The following GNB4 variants were observed in gnomAD, a reference collection of about 807,000 sequenced individuals.
The protein encoded by GNB4 is G protein subunit beta 4.
A neutral mutation model predicts 45.2 loss-of-function variants in GNB4; 28 were observed. The observed-to-expected ratio is 0.62, with a 90% CI of 0.46 to 0.85. GNB4 has a LOEUF of 0.85. Among genes scored for constraint, GNB4 ranks in the 40% least tolerant of loss-of-function variants. The pLI, the probability that GNB4 is intolerant of heterozygous loss-of-function variation, is 0.00. For synonymous variants in GNB4, 132 were observed against 143.7 expected (o/e 0.92, Z 0.58); for missense variants, 321 against 425.4 (o/e 0.75, Z 2.16).
chr3:179,464,919 T>C, the GNB4 span: 1 of 1,526,416 alleles, frequency 6.6e-7, no homozygotes, highest in Non-Finnish European at 9.1e-7. Context: ...ATTCCAACCC[T>C]AGGGAAGAAT....
At chr3:179,524,048 A>T in the GNB4 span, among the ~76,000 whole-genome samples, 1 of 152,236 alleles carries the variant, frequency 6.6e-6, no homozygotes, top group African/African-American at 2.4e-5. Flanking sequence ...CAAAGGAAAC[A>T]TGCCCTTGAA....
At chr3:179,401,603 T>C (rs746670200) in intron 9 of GNB4, among the ~76,000 whole-genome samples, 2 of 152,208 alleles carry the variant, frequency 1.3e-5, no homozygotes, top group Non-Finnish European at 2.9e-5. Flanking sequence ...TCAACTTATA[T>C]CTAGGAAAAC....
intron 2 of GNB4, among the ~76,000 whole-genome samples, chr3:179,424,195 C>T (rs761138507): frequency 3.3e-5 from 5 of 152,204 alleles, no homozygotes; most frequent in Non-Finnish European, 5.9e-5. Context: ...AATGAAGTAA[C>T]ACCATCGACT....
At chr3:179,494,907 CAAAAAA>C in the GNB4 span, among the ~76,000 whole-genome samples, 1 of 33,986 alleles carries the variant, frequency 2.9e-5, no homozygotes, top group Non-Finnish European at 5.5e-5. Flanking sequence ...GACTCTGTCT[CAAAAAA>C]AAAAAAAAAA....
intron 1 of GNB4, among the ~76,000 whole-genome samples, chr3:179,444,451 C>T (rs1453262746): frequency 9.3e-5 from 14 of 150,534 alleles, no homozygotes; most frequent in African/African-American, 2.7e-4. Flanking sequence ...ACCTCTCAAC[C>T]GCTTCCCTAG....
At chr3:179,421,820 A>G (rs1290687888) in intron 2 of GNB4, among the ~76,000 whole-genome samples, 1 of 152,184 alleles carries the variant, frequency 6.6e-6, no homozygotes. Flanking sequence ...TGATTTGATT[A>G]TTTCATTCTT....
chr3:179,466,541 G>A, the GNB4 span, among the ~76,000 whole-genome samples: 1 of 152,172 alleles, frequency 6.6e-6, no homozygotes, highest in African/African-American at 2.4e-5. Flanking sequence ...GGAGTTGAAA[G>A]AAATTTAGAG....
chr3:179,454,691 C>T (rs887787894), upstream of GNB4, among the ~76,000 whole-genome samples: 7 of 152,082 alleles, frequency 4.6e-5, no homozygotes, highest in African/African-American at 1.7e-4. Context: ...CCAAGCACAC[C>T]GTGAAGAACA....
At chr3:179,440,093 T>G (rs903374918) in intron 1 of GNB4, among the ~76,000 whole-genome samples, 1 of 152,180 alleles carries the variant, frequency 6.6e-6, no homozygotes, top group African/African-American at 2.4e-5. Flanking sequence ...TTCTCAACAC[T>G]CCCAACTTAA....
At chr3:179,411,466 C>CAA (rs755966921) in intron 8 of GNB4, among the ~76,000 whole-genome samples, 26,253 of 125,082 alleles carry the variant, frequency 0.21, 2,651 homozygotes, top group Admixed American at 0.28. Flanking sequence ...AATGTTTTGA[C>CAA]AAAAAAAAAA....
the GNB4 span, among the ~76,000 whole-genome samples, chr3:179,462,837 CA>C: frequency 1.3e-5 from 2 of 151,654 alleles, no homozygotes; most frequent in African/African-American, 4.9e-5. Flanking sequence ...ACTCCGTCCC[CA>C]AAAAAAAATT....
chr3:179,501,806 A>T, the GNB4 span, among the ~76,000 whole-genome samples: 1 of 152,160 alleles, frequency 6.6e-6, no homozygotes, highest in African/African-American at 2.4e-5. Flanking sequence ...TCAATCCTTC[A>T]TGAGACTCTG....
intron 1 of GNB4, among the ~76,000 whole-genome samples, chr3:179,432,921 G>C (rs567593943): frequency 2.2e-4 from 33 of 152,212 alleles, no homozygotes; most frequent in African/African-American, 7.5e-4. Context: ...GAAAGTGGAG[G>C]GGGGGTGGAA....
chr3:179,466,062 G>A, the GNB4 span, among the ~76,000 whole-genome samples: 2 of 146,172 alleles, frequency 1.4e-5, no homozygotes, highest in Admixed American at 1.4e-4. Flanking sequence ...CCAGGCTGGA[G>A]TGCAGTGGCG....
intron 1 of GNB4, among the ~76,000 whole-genome samples, chr3:179,442,881 C>T (rs778370755): frequency 6.6e-6 from 1 of 152,202 alleles, no homozygotes; most frequent in Non-Finnish European, 1.5e-5. Context: ...CTTCCCATCT[C>T]AGCCTCCTGA....
At chr3:179,497,076 G>T in the GNB4 span, among the ~76,000 whole-genome samples, 1 of 151,994 alleles carries the variant, frequency 6.6e-6, no homozygotes, top group Non-Finnish European at 1.5e-5. Context: ...GTAAAGTGAG[G>T]TTATTTATTT....
intron 8 of GNB4, among the ~76,000 whole-genome samples, chr3:179,412,773 G>A (rs981211907): frequency 6.6e-6 from 1 of 151,474 alleles, no homozygotes; most frequent in Non-Finnish European, 1.5e-5. Flanking sequence ...CCAGAAAGAC[G>A]AGACTTTTTT....
At chr3:179,508,932 GTA>G in the GNB4 span, among the ~76,000 whole-genome samples, 105 of 102,104 alleles carry the variant, frequency 1.0e-3, 3 homozygotes, top group African/African-American at 2.0e-3. Flanking sequence ...TTCAGCATGT[GTA>G]TATATATATA....
rs1053451365 is a variant in GNB4, at chr3:179,400,569, A to T, written c.*644T>A. 6.6e-6 allele frequency: 1 copy of T among 152,214 alleles called. No individual in the cohort carries two copies. The highest frequency in any genetic ancestry group is 2.1e-4 in the South Asian group (1 of 4,826). The allele number at this position is 152,214 out of a possible 1,614,324, so 9.4% of individuals were successfully genotyped here. ...TGTCCAAAATATCAGTGAAATCTCTAATCTCTGGCCTTCAGATTATCTGTC... is the reference window on the plus strand; with the variant it reads ...TGTCCAAAATATCAGTGAAATCTCTTATCTCTGGCCTTCAGATTATCTGTC... On this transcript the variant is annotated 3_prime_UTR_variant, in exon 10 of 10. Coordinates refer to ENST00000232564, the MANE Select transcript of GNB4 (RefSeq NM_021629.4).
Sources: allele counts gnomAD v4.1 joint callset (sites outside exome capture counted in the v4.1 genomes callset), GRCh38; gene constraint gnomAD v4.1.1; transcripts MANE v1.5; gene names NCBI Gene and HGNC (gene_info 2026-07-23, HGNC 2026-07-21).